RABEP1: variants seen among roughly 807,000 people sequenced by gnomAD.
RABEP1 encodes rabaptin, RAB GTPase binding effector protein 1, also known as rab GTPase-binding effector protein 1.
Under a neutral mutation model 123.4 loss-of-function variants are expected in RABEP1, and 51 were observed. That is an observed-to-expected ratio of 0.41 (90% CI 0.33 to 0.52). RABEP1 has a LOEUF of 0.52. Ranked by LOEUF, RABEP1 falls within the 20% of genes least tolerant of loss-of-function variation. RABEP1 has a pLI of 0.16. For synonymous variants in RABEP1, 347 were observed against 355.2 expected, an observed-to-expected ratio of 0.98 and a Z score of 0.26; for missense variants, 888 against 996.3, an observed-to-expected ratio of 0.89 and a Z score of 1.46.
intron 5 of RABEP1, among the ~76,000 whole-genome samples, chr17:5,343,789 C>T (rs1907832253): frequency 6.7e-6 from 1 of 148,304 alleles, no homozygotes; most frequent in Non-Finnish European, 1.5e-5. Flanking sequence ...GATTCTCCTG[C>T]TTCAGCCTCT....
chr17:5,330,256 G>A (rs895556411), intron 2 of RABEP1, among the ~76,000 whole-genome samples: 5 of 152,088 alleles, frequency 3.3e-5, no homozygotes, highest in Non-Finnish European at 7.4e-5. Flanking sequence ...GTCTTTAAGG[G>A]ACTTCACACA....
rs1192566934 is a variant in RABEP1 at position 5,367,894 on chromosome 17, A to G, written c.1786-476A>G. On this transcript the variant is annotated intron_variant, in intron 11 of 17. Coordinates refer to ENST00000537505, the MANE Select transcript of RABEP1 (RefSeq NM_004703.6). ...CCTCAGCCTCCCGAGTAGCTGGAAT[A>G]CAGGTGCCCGCCACCACACCCAGCT... 1.1e-4 allele frequency among the ~76,000 whole-genome samples: 17 copies of G among 150,670 alleles called. No individual in the cohort carries two copies. The East Asian group carries it at 2.4e-3, about 22-fold the overall frequency.
intron 13 of RABEP1, among the ~76,000 whole-genome samples, chr17:5,374,632 T>C (rs542123955): frequency 4.0e-5 from 6 of 149,392 alleles, no homozygotes; most frequent in African/African-American, 1.3e-4. Flanking sequence ...TTTTTTTTAT[T>C]ATTTTTTATT....
intron 2 of RABEP1, among the ~76,000 whole-genome samples, chr17:5,331,603 T>A (rs1906552213): frequency 6.6e-6 from 1 of 152,238 alleles, no homozygotes; most frequent in Non-Finnish European, 1.5e-5. Flanking sequence ...TAATTAGCGT[T>A]TCCAATAAAT....
At chr17:5,284,492 A>G (rs1281801099) in intron 1 of RABEP1, among the ~76,000 whole-genome samples, 1 of 150,624 alleles carries the variant, frequency 6.6e-6, no homozygotes, top group Non-Finnish European at 1.5e-5. Flanking sequence ...TTGAGACAGT[A>G]TCTCACTCTG....
chr17:5,382,952 A>G (rs1431330617), intron 17 of RABEP1, among the ~76,000 whole-genome samples, 170 bp from the exon 18 acceptor site: 1 of 151,734 alleles, frequency 6.6e-6, no homozygotes, highest in Admixed American at 6.6e-5. Flanking sequence ...CCAGTCCGTT[A>G]CACGGTAGCT....
chr17:5,282,691 G>C (rs1400384240), intron 1 of RABEP1, among the ~76,000 whole-genome samples, 171 bp downstream of exon 1: 1 of 146,988 alleles, frequency 6.8e-6, no homozygotes, highest in Non-Finnish European at 1.5e-5. Context: ...CGGCGCGGGC[G>C]CCCCGGCTGC....
rs562132804 is a variant in RABEP1, at chr17:5,303,559, A to G, written c.35-5135A>G. ...GCCTGTCCAATAGTTTTATTTTAAA[A>G]TCCAGTGAGAAACAAGATAAGACAT... On this transcript the variant is annotated intron_variant, in intron 1 of 17. Transcript: ENST00000537505. Among the ~76,000 whole-genome samples the G allele has an allele frequency of 4.2e-4, 64 of 152,284 alleles. 1 individual carries two copies. The highest frequency in any genetic ancestry group is 1.5e-3 in the African/African-American group (63 of 41,562).
At chr17:5,328,974 C>T (rs1234739643) in intron 2 of RABEP1, among the ~76,000 whole-genome samples, 2 of 145,398 alleles carry the variant, frequency 1.4e-5, no homozygotes, top group African/African-American at 5.1e-5. Flanking sequence ...AAATGAAGTA[C>T]TTGAATCTTG....
rs2075061879 is a variant in RABEP1, at chr17:5,294,500, C to T, written c.34+11980C>T. Among the ~76,000 whole-genome samples, 3 of 152,074 alleles carry T rather than the reference C, an allele frequency of 2.0e-5. No homozygotes were observed. The South Asian group carries it at 6.2e-4, about 32-fold the overall frequency. The stretch of plus-strand genomic sequence containing the variant: ...AGTTATTTAGAGGTGATTTAAAGTA[C>T]ATGGGAGAATATGCATAAGTTATAT... On this transcript the variant is annotated intron_variant, in intron 1 of 17. Coordinates refer to ENST00000537505, the MANE Select transcript of RABEP1 (RefSeq NM_004703.6).
chr17:5,381,435 G>T lies in RABEP1; in HGVS notation c.2417G>T (p.Arg806Ile). ...TTTGAAGAGAAGAATAAAGCTCAGA[G>T]ATTACAGACAGAATTAGATGTCAGT... is the stretch of plus-strand genomic sequence containing the variant. ...LMFEEKNKAQ[R>I]LQTELDVSEQ... The change falls in exon 17 of 18, where the codon AGA (arginine) becomes ATA (isoleucine). Residue 806 changes from arginine to isoleucine, a missense_variant. By Grantham distance (97) the Arg-to-Ile change is moderately conservative. Coordinates refer to ENST00000537505, the MANE Select transcript of RABEP1 (RefSeq NM_004703.6). The T allele has an allele frequency of 6.2e-7, 1 of 1,613,642 alleles. No homozygotes were observed. Among genetic ancestry groups the T allele is most frequent in the Non-Finnish European group, 8.5e-7 (1 of 1,179,724 alleles).
At chr17:5,323,590 AC>A (rs1236171385) in intron 2 of RABEP1, among the ~76,000 whole-genome samples, 1 of 151,554 alleles carries the variant, frequency 6.6e-6, no homozygotes, top group Non-Finnish European at 1.5e-5. Context: ...AATCTCATTT[AC>A]AATGGCTACA....
intron 1 of RABEP1, among the ~76,000 whole-genome samples, chr17:5,285,533 C>G (rs924089437): frequency 2.6e-5 from 4 of 152,158 alleles, no homozygotes; most frequent in African/African-American, 9.7e-5. Context: ...GAAGGACATG[C>G]TTTACATACA....
At chr17:5,346,465 G>C (rs1163054735) in intron 5 of RABEP1, among the ~76,000 whole-genome samples, 1 of 152,196 alleles carries the variant, frequency 6.6e-6, no homozygotes, top group Non-Finnish European at 1.5e-5. Flanking sequence ...TGGTGTTACT[G>C]TTATGGCTGA....
intron 2 of RABEP1, among the ~76,000 whole-genome samples, chr17:5,320,129 A>G (rs1597351860): frequency 6.6e-6 from 1 of 152,204 alleles, no homozygotes; most frequent in Admixed American, 6.5e-5. Context: ...TAAAAGTAGC[A>G]AGAGAAAAGT....
intron 2 of RABEP1, among the ~76,000 whole-genome samples, chr17:5,321,580 A>G (rs562831305): frequency 4.2e-4 from 64 of 152,228 alleles, no homozygotes; most frequent in Non-Finnish European, 6.3e-4. Flanking sequence ...TCTGCACTCC[A>G]GCCTGGGTAG....
intron 7 of RABEP1, among the ~76,000 whole-genome samples, chr17:5,353,999 T>G (rs1014813495): frequency 2.6e-5 from 4 of 152,130 alleles, no homozygotes; most frequent in Admixed American, 6.5e-5. Flanking sequence ...ACAAACTTTT[T>G]CATATTTATT....
rs768347337 is a variant in RABEP1, at chr17:5,338,117, T to C, written c.627T>C (p.Ile209=). Residue 209 remains isoleucine (I), a synonymous_variant, in exon 5 of 18, where the codon ATT becomes ATC. Coordinates refer to ENST00000537505, the MANE Select transcript of RABEP1 (RefSeq NM_004703.6). ...KDKLTEAEDK[I]KELEASKVKE... is the part of the protein sequence containing the mutation. ...AACTGACAGAGGCTGAAGACAAAAT[T>C]AAAGAGCTGGAGGCCTCAAAGGTTA... 47 of 1,613,094 alleles carry C rather than the reference T, an allele frequency of 2.9e-5. No homozygotes were observed. The highest frequency in any genetic ancestry group is 3.9e-5 in the Non-Finnish European group (46 of 1,179,442).
rs77426833 is a variant in RABEP1, at chr17:5,380,652, C to T, written c.2370+190C>T. 1.3e-3 allele frequency: 815 copies of T among 616,444 alleles called. 23 individuals are homozygous for T. The East Asian group carries it at 0.026, about 20-fold the overall frequency. The allele number at this position is 616,444 out of a possible 1,614,324, so 38.2% of individuals were successfully genotyped here. A position where few individuals can be genotyped will look rare whatever the true frequency, so the allele number is the denominator to read the frequency against. ...TCCAGCTGGGTTAAATCTTTTCTGC[C>T]AGGTCTGGAGGCCTGCGTCATAGGC... On this transcript the variant is annotated intron_variant, in intron 16 of 17. Coordinates refer to ENST00000537505, the MANE Select transcript of RABEP1 (RefSeq NM_004703.6).
Sources: gnomAD v4.1 joint callset for allele counts (sites outside exome capture counted in the v4.1 genomes callset) on GRCh38, gnomAD v4.1.1 for gene constraint, MANE v1.5 for transcripts, NCBI Gene and HGNC (gene_info 2026-07-23, HGNC 2026-07-21) for gene names.